HIC2: variants seen among roughly 807,000 people sequenced by gnomAD.
HIC2 encodes the protein HIC ZBTB transcriptional repressor 2.
Under a neutral mutation model 39.5 loss-of-function variants are expected in HIC2, and 2 were observed. That is an observed-to-expected ratio of 0.05 (90% CI 0.02 to 0.16). HIC2 has a LOEUF of 0.16. Ranked by LOEUF, HIC2 falls within the 10% of genes least tolerant of loss-of-function variation. The pLI, the probability that HIC2 is intolerant of heterozygous loss-of-function variation, is 1.00. For missense variants in HIC2, 713 were observed against 863.5 expected, an observed-to-expected ratio of 0.83 and a Z score of 2.18; for synonymous variants, 399 against 368.8, an observed-to-expected ratio of 1.08 and a Z score of -0.94.
chr22:21,426,337 ATTTTTT>A (rs1228128162), intron 1 of HIC2, among the ~76,000 whole-genome samples: 8 of 48,250 alleles, frequency 1.7e-4, no homozygotes, highest in Non-Finnish European at 2.5e-4. Context: ...ACAGCCAGCT[ATTTTTT>A]TTTTTTTTTT....
chr22:21,438,176 A>G (rs1923465248), intron 1 of HIC2, among the ~76,000 whole-genome samples: 1 of 152,288 alleles, frequency 6.6e-6, no homozygotes, highest in African/African-American at 2.4e-5. Flanking sequence ...GTCTGAAGGC[A>G]GGGTTATCAT....
At chr22:21,438,126 C>T (rs1923461943) in intron 1 of HIC2, among the ~76,000 whole-genome samples, 1 of 152,202 alleles carries the variant, frequency 6.6e-6, no homozygotes, top group Non-Finnish European at 1.5e-5. Context: ...ACCCTTCTCC[C>T]CAGGCCTCCC....
Position 21,445,247 on chromosome 22 carries a change from A to T in HIC2, c.352A>T (p.Thr118Ser), listed in dbSNP as rs1601333833. 6.2e-7 allele frequency: 1 copy of T among 1,612,908 alleles called. No individual in the cohort carries two copies. The change falls in exon 3 of 3, where the codon ACC becomes TCC. Residue 118 changes from threonine to serine, a missense_variant. By Grantham distance (58) the Thr-to-Ser change is moderately conservative. Transcript: ENST00000407464. ...CCAGCCAGCCGAGCCCAACTTCAGC[A>T]CCCTCCTCACTGCCGCCAGCTACCT... is the stretch of plus-strand genomic sequence containing the variant. Reference protein sequence around the residue: ...SDQPAEPNFSTLLTAASYLQL... With the variant: ...SDQPAEPNFSSLLTAASYLQL...
chr22:21,445,636 G>A lies in HIC2; in HGVS notation c.741G>A (p.Leu247=). 6.3e-7 allele frequency: 1 copy of A among 1,595,288 alleles called. No homozygotes were observed. Among genetic ancestry groups the A allele is most frequent in the Non-Finnish European group, 8.5e-7 (1 of 1,171,486 alleles). The change falls in exon 3 of 3, where the codon TTG becomes TTA. Residue 247 remains leucine, a synonymous_variant. Coordinates refer to ENST00000407464, the MANE Select transcript of HIC2 (RefSeq NM_015094.3). ...SSGGCEQELG[L]DLSKKSPPLP... is the part of the protein sequence containing the mutation. ...GGGGCTGCGAGCAGGAGCTGGGCTT[G>A]GACCTGTCCAAGAAAAGCCCACCCT...
Position 21,449,352 on chromosome 22 carries a change from G to T in HIC2, c.*2609G>T, listed in dbSNP as rs1352875148. On this transcript the variant is annotated 3_prime_UTR_variant, in exon 3 of 3. Coordinates refer to ENST00000407464, the MANE Select transcript of HIC2 (RefSeq NM_015094.3). The stretch of plus-strand genomic sequence containing the variant: ...TCTCTGCGTTCGTCACTTAATTCCT[G>T]AATGTTTCAGAGAAACAGGAATCAG... 6.6e-6 allele frequency: 1 copy of T among 152,414 alleles called. No individual in the cohort carries two copies. Among genetic ancestry groups the T allele is most frequent in the Non-Finnish European group, 1.5e-5 (1 of 67,986 alleles). 9.4% of individuals were successfully genotyped at this position (152,414 alleles called of 1,614,324 possible).
In HIC2 at chr22:21,444,946, GGACATGGGGCCC is replaced by G. The variant is rs1568943034; in HGVS notation, c.59_70del (p.Gly20_Met23del). On this transcript the variant is annotated inframe_deletion, in exon 3 of 3. Coordinates refer to ENST00000407464, the MANE Select transcript of HIC2 (RefSeq NM_015094.3). ...GGTGGTGCGCGTGGGCAGGGCGCGGGGACATGGGGCCCGACATGGAGCTGCCCAGCCACTCGA... is the reference window on the plus strand; with the variant it reads ...GGTGGTGCGCGTGGGCAGGGCGCGGGGACATGGAGCTGCCCAGCCACTCGA... The G allele has an allele frequency of 6.2e-7, 1 of 1,612,930 alleles. No homozygotes were observed.
chr22:21,417,880 C>G (rs1922940806), intron 1 of HIC2, among the ~76,000 whole-genome samples: 1 of 147,942 alleles, frequency 6.8e-6, no homozygotes, highest in South Asian at 2.2e-4. Flanking sequence ...CGGGCGCCGG[C>G]TCTTTGTGCC....
Position 21,445,841 on chromosome 22 carries a change from C to A in HIC2, c.946C>A (p.Leu316Met). 1 of 1,589,548 alleles carries A rather than the reference C, an allele frequency of 6.3e-7. No homozygotes were observed. The highest frequency in any genetic ancestry group is 8.6e-7 in the Non-Finnish European group (1 of 1,168,560). Reference sequence around the variant, plus strand: ...TCTGGAGGGGGCCGAGGACAACCACCTGAGCCTGCTGGAGGCGCCTGGTGG... The same window carrying A: ...TCTGGAGGGGGCCGAGGACAACCACATGAGCCTGCTGGAGGCGCCTGGTGG... ...MDLEGAEDNHLSLLEAPGGQP... is the reference protein window; with the variant it reads ...MDLEGAEDNHMSLLEAPGGQP... The change falls in exon 3 of 3, where the codon CTG becomes ATG. Residue 316 changes from leucine to methionine, a missense_variant. Physicochemically the swap from Leu to Met is conservative, Grantham distance 15. Coordinates refer to ENST00000407464, the MANE Select transcript of HIC2 (RefSeq NM_015094.3).
At chr22:21,444,845 C>T (rs924616982) in intron 2 of HIC2, 77 bp from the exon 3 acceptor site, 66 of 1,510,124 alleles carry the variant, frequency 4.4e-5, no homozygotes, top group Middle Eastern at 2.4e-4. Flanking sequence ...TTTGCCTCGT[C>T]GAGCCCCACC....
chr22:21,418,025 C>T (rs1408241158), intron 1 of HIC2, among the ~76,000 whole-genome samples: 4 of 147,050 alleles, frequency 2.7e-5, no homozygotes, highest in African/African-American at 9.8e-5. Context: ...TCCAGGACTG[C>T]GGTCCTGCAC....
rs973578394 is a variant in HIC2 at position 21,447,084 on chromosome 22, C to T, written c.*341C>T. 33 of 293,508 alleles carry T rather than the reference C, an allele frequency of 1.1e-4. No individual in the cohort carries two copies. Among genetic ancestry groups the T allele is most frequent in the African/African-American group, 1.7e-4 (8 of 46,138 alleles). 18.2% of individuals were successfully genotyped at this position (293,508 alleles called of 1,614,324 possible). ...GCGGCTTGGAGAAAGGGCAGTGGGA[C>T]GCTGGCCACGGCCAGGGTGGTGTCG... On this transcript the variant is annotated 3_prime_UTR_variant, in exon 3 of 3. Coordinates refer to ENST00000407464, the MANE Select transcript of HIC2 (RefSeq NM_015094.3).
In HIC2 at chr22:21,445,087, A is replaced by G. The variant is rs1923725139; in HGVS notation, c.192A>G (p.Leu64=). Residue 64 remains leucine (L), a synonymous_variant, in exon 3 of 3, where the codon CTA becomes CTG. Transcript: ENST00000407464. ...TCTTCCGGGCCCACAAGAACGTCCT[A>G]GCCGCCAGCAGCATCTATTTCAAGT... The part of the protein sequence containing the change: ...NSIFRAHKNV[L]AASSIYFKSL... The G allele has an allele frequency of 1.2e-6, 2 of 1,614,072 alleles. No homozygotes were observed. Among genetic ancestry groups the G allele is most frequent in the South Asian group, 2.2e-5 (2 of 91,094 alleles).
At chr22:21,425,681 C>T (rs1412158200) in intron 1 of HIC2, among the ~76,000 whole-genome samples, 15 of 144,718 alleles carry the variant, frequency 1.0e-4, no homozygotes, top group African/African-American at 3.3e-4. Flanking sequence ...GCTGGGATTA[C>T]AGGCGCCTGC....
Position 21,445,583 on chromosome 22 carries a change from T to C in HIC2, c.688T>C (p.Cys230Arg). The change falls in exon 3 of 3, where the codon TGC (cysteine) becomes CGC (arginine). Residue 230 changes from cysteine (C) to arginine (R), a missense_variant. By Grantham distance (180) the Cys-to-Arg change is radical. Transcript: ENST00000407464. Reference sequence around the variant, plus strand: ...TGGCGGGGAGGCGGGTCTGGGGGGCTGCAGCAGCAGCACCAACGGGAGCAG... The same window carrying C: ...TGGCGGGGAGGCGGGTCTGGGGGGCCGCAGCAGCAGCACCAACGGGAGCAG... Reference protein sequence around the residue: ...PAGGEAGLGGCSSSTNGSSGG... With the variant: ...PAGGEAGLGGRSSSTNGSSGG... The C allele has an allele frequency of 6.3e-7, 1 of 1,586,432 alleles. No individual in the cohort carries two copies. The highest frequency in any genetic ancestry group is 8.6e-7 in the Non-Finnish European group (1 of 1,168,164).
At position 21,447,359 on chromosome 22, in the gene HIC2, CTT is replaced by C. The variant is rs1325389358; in HGVS notation, c.*620_*621del. ...CCTACTGATCTGTTCCTCTGTTTTTCTTTTTGATTTTTGTTTTTTAAACCAAA... is the reference window on the plus strand; with the variant it reads ...CCTACTGATCTGTTCCTCTGTTTTTCTTTGATTTTTGTTTTTTAAACCAAA... On this transcript the variant is annotated 3_prime_UTR_variant, in exon 3 of 3. Coordinates refer to ENST00000407464, the MANE Select transcript of HIC2 (RefSeq NM_015094.3). 6.5e-6 allele frequency: 1 copy of C among 152,900 alleles called. No homozygotes were observed. The highest frequency in any genetic ancestry group is 1.5e-5 in the Non-Finnish European group (1 of 68,120). The allele number at this position is 152,900 out of a possible 1,614,324, so 9.5% of individuals were successfully genotyped here.
At chr22:21,438,232 C>T (rs1242705312) in intron 1 of HIC2, among the ~76,000 whole-genome samples, 1 of 152,294 alleles carries the variant, frequency 6.6e-6, no homozygotes, top group Non-Finnish European at 1.5e-5. Flanking sequence ...TGGACGTGGG[C>T]GTGAGATGTG....
rs536925478 is a variant in HIC2, at chr22:21,445,941, C to A, written c.1046C>A (p.Pro349His). ...AAGAAGGAGCCTGTGGCTGGCTCCCCCTTTGAGCGGAGAGAAGCAGGGCCC... is the reference window on the plus strand; with the variant it reads ...AAGAAGGAGCCTGTGGCTGGCTCCCACTTTGAGCGGAGAGAAGCAGGGCCC... Reference protein sequence around the residue: ...WGKKEPVAGSPFERREAGPKG... With the variant: ...WGKKEPVAGSHFERREAGPKG... Residue 349 changes from proline (P) to histidine (H), a missense_variant, in exon 3 of 3, where the codon CCC (proline) becomes CAC (histidine). Physicochemically the swap from Pro to His is moderately conservative, Grantham distance 77. Transcript: ENST00000407464. 1.4e-5 allele frequency: 22 copies of A among 1,578,764 alleles called. No individual in the cohort carries two copies. The Admixed American group carries it at 1.7e-4, about 12-fold the overall frequency.
Position 21,447,719 on chromosome 22 carries a change from G to C in HIC2, c.*976G>C, listed in dbSNP as rs1460867542. 1 of 152,390 alleles carries C rather than the reference G, an allele frequency of 6.6e-6. No homozygotes were observed. Among genetic ancestry groups the C allele is most frequent in the East Asian group, 1.9e-4 (1 of 5,316 alleles). The allele number at this position is 152,390 out of a possible 1,614,324, so 9.4% of individuals were successfully genotyped here. On this transcript the variant is annotated 3_prime_UTR_variant, in exon 3 of 3. Coordinates refer to ENST00000407464, the MANE Select transcript of HIC2 (RefSeq NM_015094.3). ...TGGAAGGTCTGGGGTTCCGGGGGGT[G>C]GGGGGAGGCTAGACTCAATGCCGGG...
chr22:21,446,635 G>A lies in HIC2; in HGVS notation c.1740G>A (p.Met580Ile). The change falls in exon 3 of 3, where the codon ATG (methionine) becomes ATA (isoleucine). Residue 580 changes from methionine to isoleucine, a missense_variant. Met to Ile is a conservative substitution (Grantham distance 10, BLOSUM62 1). Transcript: ENST00000407464. Reference protein sequence around the residue: ...FTRQYRLTEHMRVHSGEKPYE... With the variant: ...FTRQYRLTEHIRVHSGEKPYE... Reference sequence around the variant, plus strand: ...GTCAGTACCGCCTCACGGAGCACATGCGTGTGCACTCGGGCGAGAAACCTT... The same window carrying A: ...GTCAGTACCGCCTCACGGAGCACATACGTGTGCACTCGGGCGAGAAACCTT... 6.2e-7 allele frequency: 1 copy of A among 1,613,856 alleles called. No individual in the cohort carries two copies. The highest frequency in any genetic ancestry group is 2.2e-5 in the East Asian group (1 of 44,874).
Sources: allele counts gnomAD v4.1 joint callset (sites outside exome capture counted in the v4.1 genomes callset), GRCh38; gene constraint gnomAD v4.1.1; transcripts MANE v1.5; gene names NCBI Gene and HGNC (gene_info 2026-07-23, HGNC 2026-07-21).